Variants in SH3RF3 observed in about 807,000 individuals in gnomAD.
SH3RF3 encodes E3 ubiquitin-protein ligase SH3RF3.
A neutral mutation model predicts 66.3 loss-of-function variants in SH3RF3; 29 were observed. That is an observed-to-expected ratio of 0.44 (90% CI 0.33 to 0.60). The LOEUF (loss-of-function observed/expected upper bound fraction) is 0.60. SH3RF3 is among the 20% of genes least tolerant of loss of function. The pLI, the probability that SH3RF3 is intolerant of heterozygous loss-of-function variation, is 0.04. For missense variants in SH3RF3, 1,194 were observed against 1,190.9 expected (o/e 1.00, Z -0.04); for synonymous variants, 583 against 532.0 (o/e 1.10, Z -1.32).
chr2:109,167,065 G>A (rs1677645873), intron 1 of SH3RF3, among the ~76,000 whole-genome samples: 1 of 152,196 alleles, frequency 6.6e-6, no homozygotes, highest in African/African-American at 2.4e-5. Flanking sequence ...ATGGAGGTCA[G>A]GCCAGTGGGA....
chr2:109,268,054 C>T (rs1680539193), intron 1 of SH3RF3, among the ~76,000 whole-genome samples: 1 of 151,644 alleles, frequency 6.6e-6, no homozygotes. Flanking sequence ...AGGGGGTCTT[C>T]CAGACTGTCC....
chr2:109,479,045 G>A (rs987332054), intron 8 of SH3RF3, among the ~76,000 whole-genome samples: 1 of 152,184 alleles, frequency 6.6e-6, no homozygotes, highest in East Asian at 1.9e-4. Flanking sequence ...TGTGTCTGGC[G>A]GGTGGTGTTG....
intron 1 of SH3RF3, among the ~76,000 whole-genome samples, chr2:109,209,075 C>A (rs1461159127): frequency 2.0e-5 from 3 of 152,212 alleles, no homozygotes; most frequent in East Asian, 1.9e-4. Flanking sequence ...CCGTGGCAGC[C>A]AGTACCTTAA....
intron 4 of SH3RF3, among the ~76,000 whole-genome samples, chr2:109,403,229 C>T (rs1193599204): frequency 1.3e-5 from 2 of 152,222 alleles, no homozygotes; most frequent in Non-Finnish European, 1.5e-5. Flanking sequence ...GCGCACTGTC[C>T]GAGGCTGGCC....
chr2:109,373,597 C>G (rs559125881), intron 3 of SH3RF3, among the ~76,000 whole-genome samples: 1 of 152,132 alleles, frequency 6.6e-6, no homozygotes, highest in Non-Finnish European at 1.5e-5. Context: ...CAAAAGCAGA[C>G]AGAACTCCTC....
At position 109,324,409 on chromosome 2, in the gene SH3RF3, G is replaced by A. The variant is rs987664256; in HGVS notation, c.574-23265G>A. Among the ~76,000 whole-genome samples, 7 of 152,192 alleles carry A rather than the reference G, an allele frequency of 4.6e-5. No individual in the cohort carries two copies. The East Asian group carries it at 1.4e-3, about 29-fold the overall frequency. On this transcript the variant is annotated intron_variant, in intron 1 of 9. Coordinates refer to ENST00000309415, the MANE Select transcript of SH3RF3 (RefSeq NM_001099289.3). Reference sequence around the variant, plus strand: ...GCTGCACCATTTTCCATTCCCACCGGCAATGTATGACATTCCAGTTTCTCC... The same window carrying A: ...GCTGCACCATTTTCCATTCCCACCGACAATGTATGACATTCCAGTTTCTCC...
At chr2:109,486,682 CAG>C (rs1678985925) in intron 8 of SH3RF3, among the ~76,000 whole-genome samples, 1 of 152,068 alleles carries the variant, frequency 6.6e-6, no homozygotes, top group Non-Finnish European at 1.5e-5. Context: ...ACCACACCTG[CAG>C]AGTTTGCACC....
At chr2:109,420,192 T>C (rs1303154493) in intron 5 of SH3RF3, among the ~76,000 whole-genome samples, 1 of 152,222 alleles carries the variant, frequency 6.6e-6, no homozygotes, top group Admixed American at 6.5e-5. Flanking sequence ...AAATTACAGC[T>C]CTTAACAGAT....
At chr2:109,261,630 T>C (rs1439711775) in intron 1 of SH3RF3, among the ~76,000 whole-genome samples, 2 of 152,194 alleles carry the variant, frequency 1.3e-5, no homozygotes, top group South Asian at 4.1e-4. Flanking sequence ...TCAGTGTTCA[T>C]TGAGACTCTG....
chr2:109,220,646 G>A (rs1356314923), intron 1 of SH3RF3, among the ~76,000 whole-genome samples: 1 of 152,170 alleles, frequency 6.6e-6, no homozygotes, highest in Non-Finnish European at 1.5e-5. Flanking sequence ...TATACAAATG[G>A]CCAGTAAGCA....
intron 1 of SH3RF3, among the ~76,000 whole-genome samples, chr2:109,282,873 T>C (rs1680931224): frequency 1.3e-5 from 2 of 151,998 alleles, no homozygotes; most frequent in African/African-American, 4.8e-5. Context: ...GAGCTATGGA[T>C]GGGGAGTCTG....
chr2:109,251,392 A>G, intron 1 of SH3RF3: 1 of 679,486 alleles, frequency 1.5e-6, no homozygotes. Context: ...TTCCTTTCCA[A>G]GGCATCTGTG....
intron 3 of SH3RF3, among the ~76,000 whole-genome samples, chr2:109,385,514 T>C (rs1559054777): frequency 6.6e-6 from 1 of 152,258 alleles, no homozygotes; most frequent in South Asian, 2.1e-4. Context: ...TTAGGTTTCA[T>C]TCGATGTGAA....
At chr2:109,375,578 G>A (rs1031149640) in intron 3 of SH3RF3, among the ~76,000 whole-genome samples, 1 of 152,234 alleles carries the variant, frequency 6.6e-6, no homozygotes, top group African/African-American at 2.4e-5. Context: ...TTCAGAAGGC[G>A]CTTGTTCTAA....
At chr2:109,249,532 T>TTTCCTTCC (rs34592741) in intron 1 of SH3RF3, among the ~76,000 whole-genome samples, 1,196 of 96,394 alleles carry the variant, frequency 0.012, 29 homozygotes, top group Middle Eastern at 0.02. Context: ...TCTTTCTTTC[T>TTTCCTTCC]TTCCTTCCTT....
chr2:109,400,811 G>A (rs1214402735), intron 4 of SH3RF3, among the ~76,000 whole-genome samples: 1 of 152,198 alleles, frequency 6.6e-6, no homozygotes, highest in Non-Finnish European at 1.5e-5. Context: ...TGCCCCCATG[G>A]TTACCCCACT....
At chr2:109,195,862 C>T (rs765631832) in intron 1 of SH3RF3, among the ~76,000 whole-genome samples, 4 of 152,148 alleles carry the variant, frequency 2.6e-5, no homozygotes, top group Admixed American at 6.5e-5. Context: ...TCTGGCTATG[C>T]GTTTGGAAGG....
chr2:109,426,536 A>G (rs1051070545), intron 5 of SH3RF3, among the ~76,000 whole-genome samples: 1 of 152,222 alleles, frequency 6.6e-6, no homozygotes, highest in Non-Finnish European at 1.5e-5. Flanking sequence ...GAAAACTTGA[A>G]CAGATGAGGA....
intron 1 of SH3RF3, among the ~76,000 whole-genome samples, chr2:109,199,940 G>A (rs1003056416): frequency 2.8e-5 from 4 of 140,360 alleles, no homozygotes. Context: ...TGTACAGCAC[G>A]TGTCCCCAGG....
Sources: gnomAD v4.1 joint callset for allele counts (sites outside exome capture counted in the v4.1 genomes callset) on GRCh38, gnomAD v4.1.1 for gene constraint, MANE v1.5 for transcripts, NCBI Gene and HGNC (gene_info 2026-07-23, HGNC 2026-07-21) for gene names.